PPA2: variants seen among roughly 807,000 people sequenced by gnomAD.
The protein encoded by PPA2 is inorganic pyrophosphatase 2, mitochondrial.
In PPA2, 48 loss-of-function variants were observed where a neutral mutation model predicts 49.5. The ratio of observed to expected loss-of-function variants is 0.97; its 90% CI spans 0.77 to 1.23. The LOEUF is 1.23. Ranked by LOEUF, PPA2 falls within the 50% of genes most tolerant of loss-of-function variation. The probability of loss-of-function intolerance (pLI) is 0.00; values close to 1 mark genes in which losing one functional copy is unlikely to be tolerated. For synonymous variants in PPA2, 131 were observed against 139.9 expected, an observed-to-expected ratio of 0.94 and a Z score of 0.45; for missense variants, 429 against 410.1, an observed-to-expected ratio of 1.05 and a Z score of -0.40.
chr4:105,393,794 A>G (rs889134726), intron 9 of PPA2, among the ~76,000 whole-genome samples: 3 of 151,994 alleles, frequency 2.0e-5, no homozygotes, highest in Non-Finnish European at 4.4e-5. Flanking sequence ...AAGCTTGCCA[A>G]TCTACAATGG....
At chr4:105,419,542 G>T (rs1007417259) in intron 7 of PPA2, among the ~76,000 whole-genome samples, 5 of 152,150 alleles carry the variant, frequency 3.3e-5, no homozygotes, top group Admixed American at 6.5e-5. Flanking sequence ...GGTGAAACTA[G>T]AAGACTTAAA....
chr4:105,403,175 C>T (rs1722302928), intron 7 of PPA2, among the ~76,000 whole-genome samples: 1 of 152,068 alleles, frequency 6.6e-6, no homozygotes, highest in African/African-American at 2.4e-5. Context: ...AAGTGTGCAC[C>T]ACCATGCTTG....
intron 2 of PPA2, among the ~76,000 whole-genome samples, chr4:105,455,583 C>T (rs559849887): frequency 6.6e-6 from 1 of 152,222 alleles, no homozygotes; most frequent in South Asian, 2.1e-4. Context: ...TGAGATAAAC[C>T]ATATCAAGCA....
At chr4:105,385,439 C>CA (rs1338515478) in intron 10 of PPA2, among the ~76,000 whole-genome samples, 1 of 150,160 alleles carries the variant, frequency 6.7e-6, no homozygotes, top group African/African-American at 2.5e-5. Flanking sequence ...CAAACAACAA[C>CA]AAAAAAACAA....
At chr4:105,398,982 G>C in intron 8 of PPA2, 55 bp downstream of exon 8, 1 of 1,552,342 alleles carries the variant, frequency 6.4e-7, no homozygotes, top group Non-Finnish European at 8.7e-7. Context: ...CAAGTGAAAC[G>C]AATATTGTAC....
intron 2 of PPA2, among the ~76,000 whole-genome samples, chr4:105,454,934 C>T (rs1722819145): frequency 1.3e-5 from 2 of 152,156 alleles, no homozygotes; most frequent in Non-Finnish European, 2.9e-5. Context: ...AAAAATACAG[C>T]TTTATTATTA....
chr4:105,421,646 T>C (rs1296215137), intron 7 of PPA2, among the ~76,000 whole-genome samples: 1 of 152,180 alleles, frequency 6.6e-6, no homozygotes, highest in Non-Finnish European at 1.5e-5. Flanking sequence ...ATTTTTTTCC[T>C]CGGTCTCTGT....
intron 10 of PPA2, among the ~76,000 whole-genome samples, chr4:105,376,773 T>C (rs78511530): frequency 0.03 from 4,523 of 152,218 alleles, 204 homozygotes; most frequent in African/African-American, 0.093. Context: ...TGTGCACATG[T>C]CTGAAGCAAG....
chr4:105,458,191 C>T (rs780856950), intron 1 of PPA2, among the ~76,000 whole-genome samples: 22 of 152,048 alleles, frequency 1.4e-4, no homozygotes, highest in Non-Finnish European at 3.2e-4. Flanking sequence ...GAAACCGTAA[C>T]AGATTGTTAG....
At chr4:105,384,198 A>G (rs1382754916) in intron 10 of PPA2, among the ~76,000 whole-genome samples, 1 of 152,158 alleles carries the variant, frequency 6.6e-6, no homozygotes, top group Non-Finnish European at 1.5e-5. Flanking sequence ...GGCATACATG[A>G]AGTTCCACTG....
At chr4:105,461,274 G>C (rs1215927895) in intron 1 of PPA2, among the ~76,000 whole-genome samples, 1 of 152,214 alleles carries the variant, frequency 6.6e-6, no homozygotes, top group Non-Finnish European at 1.5e-5. Flanking sequence ...CGGGACCCAT[G>C]TTCAAAAAAC....
intron 1 of PPA2, chr4:105,473,644 C>A (rs1311644424): frequency 1.4e-6 from 1 of 729,658 alleles, no homozygotes; most frequent in South Asian, 1.4e-5. Context: ...GCGCTATCTA[C>A]CCCCCAGCCG....
At chr4:105,382,061 C>T (rs1265912801) in intron 10 of PPA2, among the ~76,000 whole-genome samples, 3 of 151,900 alleles carry the variant, frequency 2.0e-5, no homozygotes, top group Non-Finnish European at 4.4e-5. Context: ...ATTTTTGCTG[C>T]ATTACATAAG....
chr4:105,408,578 T>G (rs1011761187), intron 7 of PPA2, among the ~76,000 whole-genome samples: 1 of 152,090 alleles, frequency 6.6e-6, no homozygotes, highest in Non-Finnish European at 1.5e-5. Context: ...TGAGGTCAAA[T>G]TGAGGGAATC....
chr4:105,452,991 G>T (rs925621207), intron 3 of PPA2, among the ~76,000 whole-genome samples: 37 of 152,108 alleles, frequency 2.4e-4, no homozygotes, highest in African/African-American at 8.7e-4. Flanking sequence ...ACTCCCAAAA[G>T]ATTATTGTTC....
intron 2 of PPA2, chr4:105,456,450 AT>A: frequency 4.1e-6 from 2 of 493,410 alleles, no homozygotes; most frequent in Non-Finnish European, 7.5e-6. Context: ...TTCCTACCGA[AT>A]TCTAAGTTTT....
At position 105,369,475 on chromosome 4, in the gene PPA2, G is replaced by C. The variant is rs1044988434; in HGVS notation, c.*250C>G. The C allele has an allele frequency of 2.3e-6, 1 of 425,706 alleles. No individual in the cohort carries two copies. Among genetic ancestry groups the C allele is most frequent in the East Asian group, 4.4e-5 (1 of 22,520 alleles). The allele number at this position is 425,706 out of a possible 1,614,324, so 26.4% of individuals were successfully genotyped here. On this transcript the variant is annotated 3_prime_UTR_variant, in exon 12 of 12. Transcript: ENST00000341695. ...CCTGACCTTGTGATCTGCCCACCTC[G>C]GCCTCCCAAAGTGCTGAAATTACAG...
At chr4:105,464,188 T>G (rs561749130) in intron 1 of PPA2, among the ~76,000 whole-genome samples, 1 of 152,218 alleles carries the variant, frequency 6.6e-6, no homozygotes, top group Non-Finnish European at 1.5e-5. Flanking sequence ...ACCTCTTGCA[T>G]CGGCGTGACC....
intron 10 of PPA2, among the ~76,000 whole-genome samples, chr4:105,382,290 G>C (rs973009142): frequency 1.3e-5 from 2 of 151,974 alleles, no homozygotes; most frequent in Non-Finnish European, 2.9e-5. Flanking sequence ...TCTATTTGTG[G>C]CCTAATATCT....
Sources: gnomAD v4.1 joint callset for allele counts (sites outside exome capture counted in the v4.1 genomes callset) on GRCh38, gnomAD v4.1.1 for gene constraint, MANE v1.5 for transcripts, NCBI Gene and HGNC (gene_info 2026-07-23, HGNC 2026-07-21) for gene names.